Variants in FRMD5 observed in about 807,000 individuals in gnomAD.
The protein encoded by FRMD5 is FERM domain containing 5.
Under a neutral mutation model 69.0 loss-of-function variants are expected in FRMD5, and 20 were observed. That is an observed-to-expected ratio of 0.29 (90% CI 0.20 to 0.42). The LOEUF (loss-of-function observed/expected upper bound fraction) is 0.42. Ranked by LOEUF, FRMD5 falls within the 10% of genes least tolerant of loss-of-function variation. The pLI is 1.00. For missense variants in FRMD5, 595 were observed against 708.6 expected (o/e 0.84, Z 1.82); for synonymous variants, 271 against 260.1 (o/e 1.04, Z -0.40).
chr15:43,992,634 G>A (rs940120285), intron 1 of FRMD5, among the ~76,000 whole-genome samples: 3 of 152,088 alleles, frequency 2.0e-5, no homozygotes, highest in South Asian at 4.2e-4. Flanking sequence ...TGCCTTGGCC[G>A]CCCAAAACGC....
chr15:43,906,743 A>G (rs1353683352), intron 5 of FRMD5, among the ~76,000 whole-genome samples: 2 of 141,710 alleles, frequency 1.4e-5, no homozygotes, highest in Non-Finnish European at 2.9e-5. Context: ...CTGGGACTAC[A>G]GGCGCCTGCC....
intron 7 of FRMD5, among the ~76,000 whole-genome samples, chr15:43,898,080 A>T (rs571150066): frequency 6.6e-6 from 1 of 152,344 alleles, no homozygotes; most frequent in East Asian, 1.9e-4. Context: ...GCAGTGTGAA[A>T]ATGGACTAAG....
At chr15:43,928,174 A>C (rs76400099) in intron 1 of FRMD5, among the ~76,000 whole-genome samples, 74 of 152,292 alleles carry the variant, frequency 4.9e-4, no homozygotes, top group Middle Eastern at 6.8e-3. Context: ...CCCCGCCGTG[A>C]AGACATAGTT....
At chr15:44,135,881 C>T (rs546381163) in intron 1 of FRMD5, among the ~76,000 whole-genome samples, 62 of 150,140 alleles carry the variant, frequency 4.1e-4, no homozygotes, top group African/African-American at 1.3e-3. Context: ...AGTTAGTAGA[C>T]GCATAAAATT....
intron 1 of FRMD5, among the ~76,000 whole-genome samples, chr15:44,137,470 C>G (rs2733206): frequency 3.9e-5 from 6 of 152,268 alleles, no homozygotes; most frequent in African/African-American, 1.4e-4. Context: ...TGACTCAATT[C>G]TGAATTCAAA....
At chr15:44,147,270 G>A (rs1438214779) in intron 1 of FRMD5, among the ~76,000 whole-genome samples, 5 of 152,040 alleles carry the variant, frequency 3.3e-5, no homozygotes, top group African/African-American at 1.2e-4. Context: ...GCTTGTTTTT[G>A]TCAGGCTTGT....
intron 1 of FRMD5, among the ~76,000 whole-genome samples, chr15:44,149,943 G>A (rs1004336737): frequency 1.3e-5 from 2 of 152,046 alleles, no homozygotes; most frequent in African/African-American, 2.4e-5. Flanking sequence ...CAGCAGCATA[G>A]CAAAAGGATT....
chr15:43,912,396 C>T (rs547162699), intron 4 of FRMD5, among the ~76,000 whole-genome samples: 9 of 152,254 alleles, frequency 5.9e-5, no homozygotes, highest in South Asian at 4.1e-4. Context: ...AAATGCCACA[C>T]GGTGTGTGGG....
At chr15:44,012,534 G>A (rs1433827464) in intron 1 of FRMD5, among the ~76,000 whole-genome samples, 2 of 152,088 alleles carry the variant, frequency 1.3e-5, no homozygotes, top group African/African-American at 4.8e-5. Context: ...ACAAATTTTG[G>A]TATGCCTCTT....
At chr15:44,060,748 T>C (rs1334270106) in intron 1 of FRMD5, among the ~76,000 whole-genome samples, 1 of 152,078 alleles carries the variant, frequency 6.6e-6, no homozygotes, top group East Asian at 1.9e-4. Flanking sequence ...AGCCACTTAA[T>C]TACATAAAAT....
chr15:43,999,947 GCCATGCA>G lies in FRMD5; in HGVS notation c.103-75645_103-75639del, dbSNP rs1566889733. Among the ~76,000 whole-genome samples the G allele has an allele frequency of 6.0e-3, 584 of 97,850 alleles. 14 individuals carry two copies. Among genetic ancestry groups the G allele is most frequent in the African/African-American group, 0.026 (548 of 21,060 alleles). The allele number at this position is 97,850 out of a possible 152,430, so 64.2% of individuals were successfully genotyped here. ...TGTATATATATATATATATATATAT[GCCATGCA>G]TATATATATATATATATATATATAT... On this transcript the variant is annotated intron_variant, in intron 1 of 13. Transcript: ENST00000417257.
chr15:43,888,759 A>C, intron 9 of FRMD5, 50 bp downstream of exon 9: 2 of 1,508,700 alleles, frequency 1.3e-6, no homozygotes, highest in Non-Finnish European at 1.8e-6. Context: ...GCCACCAGGA[A>C]GCATCCCATC....
chr15:44,114,489 A>G lies in FRMD5; in HGVS notation c.102+80464T>C, dbSNP rs116780012. ...AGGGACACTATGAGGCTCTGTAGGTAGAAGGCCAGCATTTCTTCTGACTTC... is the reference window on the plus strand; with the variant it reads ...AGGGACACTATGAGGCTCTGTAGGTGGAAGGCCAGCATTTCTTCTGACTTC... On this transcript the variant is annotated intron_variant, in intron 1 of 13. Coordinates refer to ENST00000417257, the MANE Select transcript of FRMD5 (RefSeq NM_032892.5). 6.3e-3 allele frequency among the ~76,000 whole-genome samples: 967 copies of G among 152,330 alleles called. 10 individuals carry two copies. The highest frequency in any genetic ancestry group is 0.022 in the African/African-American group (921 of 41,572).
intron 1 of FRMD5, among the ~76,000 whole-genome samples, chr15:44,193,640 C>A (rs1421897738): frequency 1.3e-5 from 2 of 152,166 alleles, no homozygotes; most frequent in Non-Finnish European, 2.9e-5. Context: ...TCTCTACCCT[C>A]ATGGATCTTT....
chr15:43,884,668 G>T, intron 12 of FRMD5, 59 bp downstream of exon 12: 1 of 1,506,178 alleles, frequency 6.6e-7, no homozygotes, highest in Non-Finnish European at 9.2e-7. Context: ...TCAAACTGCT[G>T]GATTGAGATT....
chr15:43,981,756 T>A (rs1272865345), intron 1 of FRMD5, among the ~76,000 whole-genome samples: 3 of 152,220 alleles, frequency 2.0e-5, no homozygotes, highest in Non-Finnish European at 4.4e-5. Context: ...TTCTTCTACA[T>A]CTTCTTCCTC....
At chr15:44,080,115 T>A (rs1358676387) in intron 1 of FRMD5, among the ~76,000 whole-genome samples, 1 of 151,926 alleles carries the variant, frequency 6.6e-6, no homozygotes, top group Non-Finnish European at 1.5e-5. Context: ...ATATATATAT[T>A]TTACCACAAC....
At chr15:44,143,009 G>A in intron 1 of FRMD5, among the ~76,000 whole-genome samples, 1 of 151,908 alleles carries the variant, frequency 6.6e-6, no homozygotes, top group East Asian at 1.9e-4. Flanking sequence ...AGAATCGCTG[G>A]AACCTGTGAG....
chr15:44,034,080 G>T lies in FRMD5; in HGVS notation c.103-109771C>A, dbSNP rs1468973725. Among the ~76,000 whole-genome samples the T allele has an allele frequency of 2.0e-5, 3 of 152,150 alleles. No individual in the cohort carries two copies. In the East Asian group the frequency reaches 5.8e-4, roughly 29 times the overall value. On this transcript the variant is annotated intron_variant, in intron 1 of 13. Coordinates refer to ENST00000417257, the MANE Select transcript of FRMD5 (RefSeq NM_032892.5). ...AGTCTGCCCAGTCACATGGGGTTCT[G>T]GAATTTAGCCAGGCTGCTGAGTGGA...
Sources: allele counts gnomAD v4.1 joint callset (sites outside exome capture counted in the v4.1 genomes callset), GRCh38; gene constraint gnomAD v4.1.1; transcripts MANE v1.5; gene names NCBI Gene and HGNC (gene_info 2026-07-23, HGNC 2026-07-21).